Variants in CTNNA2 observed in about 807,000 individuals in gnomAD.
CTNNA2 encodes catenin alpha 2.
CTNNA2 carries 42 observed loss-of-function variants against 101.0 expected under a neutral mutation model. The observed-to-expected ratio is 0.42, with a 90% confidence interval of 0.32 to 0.54. CTNNA2 has a LOEUF of 0.54. Among genes scored for constraint, CTNNA2 ranks in the 20% least tolerant of loss-of-function variants. The pLI is 0.14. For synonymous variants in CTNNA2, 450 were observed against 456.4 expected (o/e 0.99, Z 0.18); for missense variants, 871 against 1,223.1 (o/e 0.71, Z 4.29).
At chr2:80,434,745 C>G (rs1334958415) in intron 9 of CTNNA2, among the ~76,000 whole-genome samples, 2 of 151,898 alleles carry the variant, frequency 1.3e-5, no homozygotes, top group East Asian at 3.9e-4. Context: ...AGAATACTAA[C>G]ACTCATTTAA....
At chr2:79,523,401 G>T (rs1016089545) in intron 1 of CTNNA2, 10 of 219,906 alleles carry the variant, frequency 4.5e-5, no homozygotes, top group Non-Finnish European at 7.3e-5. Flanking sequence ...ATAGTTTAAA[G>T]ATATCTCCAC....
chr2:79,737,735 A>C (rs1211402846), intron 2 of CTNNA2, among the ~76,000 whole-genome samples: 7 of 152,134 alleles, frequency 4.6e-5, no homozygotes, highest in Admixed American at 2.6e-4. Flanking sequence ...CAGTGTGCTA[A>C]AGTTTTTCAG....
chr2:79,935,783 G>A (rs1687748148), intron 7 of CTNNA2, among the ~76,000 whole-genome samples: 1 of 152,196 alleles, frequency 6.6e-6, no homozygotes, highest in African/African-American at 2.4e-5. Flanking sequence ...ACAGAGGCCT[G>A]GCAGTAATAA....
intron 7 of CTNNA2, among the ~76,000 whole-genome samples, chr2:80,299,905 T>A (rs1465635429): frequency 6.6e-6 from 1 of 152,144 alleles, no homozygotes; most frequent in African/African-American, 2.4e-5. Context: ...CCTGTAGCCT[T>A]CCTATGAGAT....
intron 7 of CTNNA2, among the ~76,000 whole-genome samples, chr2:80,364,556 A>ATTTTTTTT (rs57073635): frequency 1.2e-4 from 15 of 123,514 alleles, no homozygotes; most frequent in East Asian, 5.1e-4. Flanking sequence ...AGAGAAAGTA[A>ATTTTTTTT]TTTTTTTTTT....
intron 7 of CTNNA2, among the ~76,000 whole-genome samples, chr2:80,392,113 C>T (rs1390138332): frequency 2.0e-5 from 3 of 152,118 alleles, no homozygotes; most frequent in Non-Finnish European, 2.9e-5. Context: ...GATTTTGTCA[C>T]GGAAAGAGAA....
intron 2 of CTNNA2, among the ~76,000 whole-genome samples, chr2:79,256,987 G>A (rs1329378831): frequency 1.3e-5 from 2 of 152,038 alleles, no homozygotes; most frequent in African/African-American, 4.8e-5. Flanking sequence ...AAAGATAAAC[G>A]TATTTACTCA....
chr2:80,312,941 G>C (rs74330491), intron 7 of CTNNA2, among the ~76,000 whole-genome samples: 1,785 of 152,322 alleles, frequency 0.012, 46 homozygotes, highest in African/African-American at 0.04. Context: ...TCTTAGTGCA[G>C]TCTGCGTAGT....
intron 2 of CTNNA2, among the ~76,000 whole-genome samples, chr2:79,199,928 C>T (rs1337871486): frequency 6.6e-6 from 1 of 152,104 alleles, no homozygotes; most frequent in East Asian, 1.9e-4. Context: ...TTCCCTGTAA[C>T]CTAAATTTCA....
At chr2:79,645,668 G>A (rs1680768060) in intron 1 of CTNNA2, among the ~76,000 whole-genome samples, 1 of 152,162 alleles carries the variant, frequency 6.6e-6, no homozygotes, top group Admixed American at 6.5e-5. Context: ...GTGTCTTGAA[G>A]TTTAGGATGA....
chr2:79,842,480 C>T (rs929805820), intron 3 of CTNNA2, among the ~76,000 whole-genome samples: 6 of 152,086 alleles, frequency 3.9e-5, no homozygotes, highest in East Asian at 1.9e-4. Flanking sequence ...TAGCATCATC[C>T]GCTTCTAAGT....
chr2:80,029,860 A>G (rs557813518), intron 7 of CTNNA2, among the ~76,000 whole-genome samples: 2 of 152,294 alleles, frequency 1.3e-5, no homozygotes, highest in East Asian at 3.9e-4. Context: ...AATACAGAGT[A>G]TTGCCCATTT....
intron 7 of CTNNA2, among the ~76,000 whole-genome samples, chr2:80,206,872 T>C (rs1018211361): frequency 2.0e-5 from 3 of 152,220 alleles, no homozygotes; most frequent in Non-Finnish European, 4.4e-5. Flanking sequence ...ATCTGATGTA[T>C]TAACAGAAGC....
At chr2:79,537,404 A>T (rs1293058235) in intron 1 of CTNNA2, among the ~76,000 whole-genome samples, 1 of 152,078 alleles carries the variant, frequency 6.6e-6, no homozygotes, top group African/African-American at 2.4e-5. Context: ...GTGCTCTTGC[A>T]TCACATTTAG....
intron 3 of CTNNA2, among the ~76,000 whole-genome samples, chr2:79,857,085 G>A (rs1486662361): frequency 6.6e-6 from 1 of 152,204 alleles, no homozygotes; most frequent in African/African-American, 2.4e-5. Flanking sequence ...CCAGAGAACT[G>A]CAGGTCTCTG....
intron 9 of CTNNA2, among the ~76,000 whole-genome samples, chr2:80,463,296 A>G (rs1431705491): frequency 6.6e-6 from 1 of 152,134 alleles, no homozygotes; most frequent in Non-Finnish European, 1.5e-5. Context: ...TAAAAATAGA[A>G]CACCCCCCTT....
intron 7 of CTNNA2, among the ~76,000 whole-genome samples, chr2:79,943,086 A>C (rs896131032): frequency 6.6e-5 from 10 of 152,066 alleles, no homozygotes; most frequent in African/African-American, 2.4e-4. Flanking sequence ...GCATTGTGGC[A>C]CGTGCCTGTA....
At chr2:79,650,694 G>A (rs1394168965) in intron 1 of CTNNA2, among the ~76,000 whole-genome samples, 2 of 150,268 alleles carry the variant, frequency 1.3e-5, no homozygotes, top group Non-Finnish European at 3.0e-5. Flanking sequence ...GTGCAGGTTA[G>A]TTACATACAT....
intron 13 of CTNNA2, chr2:80,579,180 CT>C (rs1238603856): frequency 6.6e-6 from 1 of 152,116 alleles, no homozygotes; most frequent in Non-Finnish European, 1.5e-5. Flanking sequence ...GTTAATACCT[CT>C]TTTGATTTTA....
Sources: gnomAD v4.1 joint callset for allele counts (sites outside exome capture counted in the v4.1 genomes callset) on GRCh38, gnomAD v4.1.1 for gene constraint, MANE v1.5 for transcripts, NCBI Gene and HGNC (gene_info 2026-07-23, HGNC 2026-07-21) for gene names.